PCDH15: variants seen among roughly 807,000 people sequenced by gnomAD.
PCDH15 encodes the protein protocadherin related 15, also known as protocadherin-15.
In PCDH15, 129 loss-of-function variants were observed where a neutral mutation model predicts 178.5. The ratio of observed to expected loss-of-function variants is 0.72; its 90% confidence interval spans 0.63 to 0.84. The LOEUF is 0.84. Ranked by LOEUF, PCDH15 falls within the 40% of genes least tolerant of loss-of-function variation. The pLI, the probability that PCDH15 is intolerant of heterozygous loss-of-function variation, is 0.00. For missense variants in PCDH15, 2,230 were observed against 2,099.9 expected (o/e 1.06, Z -1.21); for synonymous variants, 800 against 732.0 (o/e 1.09, Z -1.50).
intron 3 of PCDH15, among the ~76,000 whole-genome samples, chr10:54,820,284 A>C (rs1472443204): frequency 6.6e-6 from 1 of 152,038 alleles, no homozygotes; most frequent in Non-Finnish European, 1.5e-5. Context: ...TATGTTCTAC[A>C]TGAAATGAAT....
chr10:53,903,595 G>C (rs2082474395), intron 25 of PCDH15, among the ~76,000 whole-genome samples: 1 of 152,012 alleles, frequency 6.6e-6, no homozygotes, highest in Non-Finnish European at 1.5e-5. Flanking sequence ...CAATGTCCTG[G>C]TAGTTCACTT....
intron 1 of PCDH15, among the ~76,000 whole-genome samples, chr10:54,716,034 G>A (rs1360839658): frequency 6.6e-6 from 1 of 152,100 alleles, no homozygotes; most frequent in Non-Finnish European, 1.5e-5. Context: ...AGAACCTGAG[G>A]CAGCAGAAGT....
intron 26 of PCDH15, among the ~76,000 whole-genome samples, chr10:53,867,305 T>A (rs2079528870): frequency 6.6e-6 from 1 of 152,090 alleles, no homozygotes; most frequent in African/African-American, 2.4e-5. Flanking sequence ...AGGGAGAATA[T>A]GTTCTAGTGC....
Position 55,176,903 on chromosome 10 carries a change from C to G in PCDH15, c.-155-10252G>C, listed in dbSNP as rs530545313. Among the ~76,000 whole-genome samples, 14 of 152,272 alleles carry G rather than the reference C, an allele frequency of 9.2e-5. No individual in the cohort carries two copies. In the East Asian group the frequency reaches 2.5e-3, roughly 27 times the overall value. ...ACAGAGATTCTGAGACAGGCCCTAC[C>G]TGTTTGGGCAGGCATTGTCAAGGGA... is the stretch of plus-strand genomic sequence containing the variant. On this transcript the variant is annotated intron_variant, in intron 1 of 5. Coordinates refer to the PCDH15 transcript ENST00000458638.
At chr10:54,519,555 A>G (rs1227974665) in intron 3 of PCDH15, among the ~76,000 whole-genome samples, 1 of 152,192 alleles carries the variant, frequency 6.6e-6, no homozygotes, top group African/African-American at 2.4e-5. Flanking sequence ...GCTCAATGAA[A>G]TAAAAGAGGA....
Position 53,831,469 on chromosome 10 carries a change from G to T in PCDH15, c.4048C>A (p.Arg1350Ser), listed in dbSNP as rs138398244. The change falls in exon 30 of 38, where the codon CGC (arginine) becomes AGC (serine). Residue 1350 changes from arginine (R) to serine (S), a missense_variant. Arg to Ser is a moderately radical substitution (Grantham distance 110). Transcript: ENST00000644397. ...TCTGGAGTCCGGATCTCCAGAATGC[G>T]TCCTCCTTCCCCATAATACGGCTGA... is the stretch of plus-strand genomic sequence containing the variant. The part of the protein sequence containing the change: ...DFQPYYGEGG[R>S]ILEIRTPEAV... The T allele has an allele frequency of 6.2e-7, 1 of 1,614,042 alleles. No homozygotes were observed. The highest frequency in any genetic ancestry group is 8.5e-7 in the Non-Finnish European group (1 of 1,180,000).
At chr10:55,030,375 C>T (rs1018699472) in intron 2 of PCDH15, among the ~76,000 whole-genome samples, 5 of 152,084 alleles carry the variant, frequency 3.3e-5, no homozygotes. Context: ...GAAGTTTCTA[C>T]AGTGGTGAAG....
At chr10:54,707,031 T>C (rs956463907) in intron 1 of PCDH15, among the ~76,000 whole-genome samples, 5 of 152,198 alleles carry the variant, frequency 3.3e-5, no homozygotes, top group African/African-American at 1.2e-4. Context: ...ATAATTCTAA[T>C]AGGGTTTACA....
intron 1 of PCDH15, among the ~76,000 whole-genome samples, chr10:55,249,522 G>A (rs1411399374): frequency 6.6e-6 from 1 of 152,032 alleles, no homozygotes; most frequent in Non-Finnish European, 1.5e-5. Flanking sequence ...CAACTTAGAT[G>A]GGTAAGGAAA....
intron 2 of PCDH15, among the ~76,000 whole-genome samples, chr10:55,122,464 T>G (rs1837794873): frequency 6.6e-6 from 1 of 152,102 alleles, no homozygotes; most frequent in Admixed American, 6.6e-5. Flanking sequence ...ATCTGTGTGG[T>G]CAAAGACTTG....
intron 3 of PCDH15, among the ~76,000 whole-genome samples, chr10:54,465,930 T>C (rs983351192): frequency 3.3e-5 from 5 of 152,004 alleles, no homozygotes; most frequent in Non-Finnish European, 7.4e-5. Flanking sequence ...ATTTTGATAA[T>C]AGCCATTCTA....
chr10:54,587,047 G>A (rs1049726007), intron 2 of PCDH15, among the ~76,000 whole-genome samples: 1 of 152,060 alleles, frequency 6.6e-6, no homozygotes, highest in African/African-American at 2.4e-5. Context: ...CTACCACAGT[G>A]TATTAACTGT....
intron 2 of PCDH15, among the ~76,000 whole-genome samples, chr10:54,637,385 G>A (rs1049535518): frequency 5.3e-5 from 8 of 151,882 alleles, no homozygotes; most frequent in Admixed American, 3.9e-4. Context: ...TAAAATCGAG[G>A]TGTGGACAGG....
intron 1 of PCDH15, among the ~76,000 whole-genome samples, chr10:54,723,130 G>A (rs72794555): frequency 0.075 from 11,373 of 151,574 alleles, 575 homozygotes; most frequent in Non-Finnish European, 0.12. Context: ...GAATCACATT[G>A]TGTGATTTCA....
chr10:55,100,876 A>C (rs1018300596), intron 2 of PCDH15, among the ~76,000 whole-genome samples: 7 of 152,148 alleles, frequency 4.6e-5, no homozygotes, highest in African/African-American at 7.2e-5. Context: ...GTAGTAGGAA[A>C]TCAAGATCTG....
intron 2 of PCDH15, among the ~76,000 whole-genome samples, chr10:55,025,490 T>A (rs1840455342): frequency 6.6e-6 from 1 of 152,108 alleles, no homozygotes; most frequent in Admixed American, 6.6e-5. Context: ...TAAAACCATA[T>A]GACAAATTGA....
chr10:54,052,226 C>G (rs1375066207), intron 18 of PCDH15, among the ~76,000 whole-genome samples: 3 of 152,194 alleles, frequency 2.0e-5, no homozygotes, highest in Non-Finnish European at 4.4e-5. Context: ...CACCATCCTC[C>G]AGACTCCAGA....
rs1840541324 is a variant in PCDH15, at chr10:55,496,664, G to C, written c.-156+130961C>G. ...AATTCATTTTAATTTTAGCATATAA[G>C]AATAGCTAGGAAAATATAGACAGAA... On this transcript the variant is annotated intron_variant, in intron 2 of 5. Transcript: ENST00000613346. Among the ~76,000 whole-genome samples the C allele has an allele frequency of 3.3e-5, 5 of 151,584 alleles. No individual in the cohort carries two copies. In the South Asian group the frequency reaches 1.0e-3, roughly 31 times the overall value.
chr10:54,205,481 T>TTGTGTGTGTGTGTGGGTG (rs2050700150), intron 10 of PCDH15, among the ~76,000 whole-genome samples: 1 of 135,088 alleles, frequency 7.4e-6, no homozygotes. Context: ...TATATTTCCT[T>TTGTGTGTGTGTGTGGGTG]TGTGTGTGTG....
Sources: gnomAD v4.1 joint callset for allele counts (sites outside exome capture counted in the v4.1 genomes callset) on GRCh38, gnomAD v4.1.1 for gene constraint, MANE v1.5 for transcripts, NCBI Gene and HGNC (gene_info 2026-07-23, HGNC 2026-07-21) for gene names.